TULP4: variants seen among roughly 807,000 people sequenced by gnomAD.
TULP4 encodes the protein TUB like protein 4.
A neutral mutation model predicts 129.0 loss-of-function variants in TULP4; 16 were observed. The ratio of observed to expected loss-of-function variants is 0.12; its 90% CI spans 0.08 to 0.19. The LOEUF (loss-of-function observed/expected upper bound fraction) is 0.19, where lower values mean the gene tolerates loss of function less well. Ranked by LOEUF, TULP4 falls within the 10% of genes least tolerant of loss-of-function variation. The pLI is 1.00. For missense variants in TULP4, 1,842 were observed against 2,059.1 expected, an observed-to-expected ratio of 0.89 and a Z score of 2.04; for synonymous variants, 998 against 854.0, an observed-to-expected ratio of 1.17 and a Z score of -2.94.
At chr6:158,317,735 T>G (rs949958050) in intron 1 of TULP4, among the ~76,000 whole-genome samples, 11 of 152,356 alleles carry the variant, frequency 7.2e-5, no homozygotes, top group Middle Eastern at 6.8e-3. Flanking sequence ...ATCACCACAC[T>G]GTCTTCCACA....
At chr6:158,329,222 T>A (rs1779819734) in intron 1 of TULP4, among the ~76,000 whole-genome samples, 1 of 152,172 alleles carries the variant, frequency 6.6e-6, no homozygotes, top group Non-Finnish European at 1.5e-5. Context: ...CATGTGTTGT[T>A]TTTTCCACTT....
At chr6:158,296,985 G>C (rs1779046901) in intron 1 of TULP4, among the ~76,000 whole-genome samples, 2 of 152,204 alleles carry the variant, frequency 1.3e-5, no homozygotes, top group South Asian at 4.1e-4. Flanking sequence ...CAGAAAACAG[G>C]GTTCGAGAGC....
At chr6:158,244,456 A>G (rs1265674586) in intron 1 of TULP4, among the ~76,000 whole-genome samples, 1 of 152,142 alleles carries the variant, frequency 6.6e-6, no homozygotes, top group Non-Finnish European at 1.5e-5. Context: ...CCAATGTGAT[A>G]GTATTTGGAA....
In TULP4 at chr6:158,372,222, A is replaced by C. The variant is rs1373109042; in HGVS notation, c.253-40843A>C. Among the ~76,000 whole-genome samples, 3 of 150,658 alleles carry C rather than the reference A, an allele frequency of 2.0e-5. 1 individual carries two copies. Among genetic ancestry groups the C allele is most frequent in the Non-Finnish European group, 4.4e-5 (3 of 67,798 alleles). ...GGGTGACTTCAAAAAAAACAAAAAC[A>C]GTAGGAATTCAACAATAGCAAAACA... On this transcript the variant is annotated intron_variant, in intron 1 of 13. Transcript: ENST00000367097.
At chr6:158,497,964 G>T (rs1780368049) in intron 11 of TULP4, among the ~76,000 whole-genome samples, 1 of 152,182 alleles carries the variant, frequency 6.6e-6, no homozygotes, top group Admixed American at 6.5e-5. Flanking sequence ...TAACTACTGT[G>T]AAACTTAAAT....
chr6:158,237,579 C>T (rs1777738619), intron 1 of TULP4: 7 of 1,533,162 alleles, frequency 4.6e-6, no homozygotes, highest in Non-Finnish European at 6.3e-6. Context: ...TCTTTTTACC[C>T]TTCTTTCTTC....
At chr6:158,368,257 T>C (rs1310941150) in intron 1 of TULP4, among the ~76,000 whole-genome samples, 4 of 152,166 alleles carry the variant, frequency 2.6e-5, no homozygotes, top group African/African-American at 7.2e-5. Flanking sequence ...TTATCATTAA[T>C]GGTAAAATGA....
chr6:158,365,610 G>A (rs1780922075), intron 1 of TULP4, among the ~76,000 whole-genome samples: 1 of 151,264 alleles, frequency 6.6e-6, no homozygotes, highest in African/African-American at 2.4e-5. Context: ...CTGAGTAGCT[G>A]GGACTACAGG....
intron 3 of TULP4, among the ~76,000 whole-genome samples, chr6:158,441,570 C>G (rs996076676): frequency 6.6e-6 from 1 of 152,116 alleles, no homozygotes; most frequent in Non-Finnish European, 1.5e-5. Context: ...GCTCTACAGC[C>G]CCTGACCTTG....
chr6:158,416,966 T>A (rs1046667475), intron 2 of TULP4, among the ~76,000 whole-genome samples: 5 of 152,088 alleles, frequency 3.3e-5, no homozygotes, highest in African/African-American at 1.2e-4. Flanking sequence ...AGCCTAGGAG[T>A]AGTAGGCTGT....
intron 1 of TULP4, among the ~76,000 whole-genome samples, chr6:158,303,481 A>G (rs1779162989): frequency 6.6e-6 from 1 of 152,190 alleles, no homozygotes; most frequent in South Asian, 2.1e-4. Context: ...AAAAAGCGTA[A>G]CTACTAATAA....
chr6:158,388,332 T>TTTTC (rs1777501632), intron 1 of TULP4, among the ~76,000 whole-genome samples: 7 of 131,542 alleles, frequency 5.3e-5, no homozygotes, highest in South Asian at 2.6e-4. Context: ...CTTTTTTTTT[T>TTTTC]TTTTTTTTTT....
At chr6:158,286,612 C>G (rs1240383550) in intron 1 of TULP4, among the ~76,000 whole-genome samples, 1 of 152,184 alleles carries the variant, frequency 6.6e-6, no homozygotes, top group African/African-American at 2.4e-5. Flanking sequence ...GATGATATCA[C>G]TTAAACACTG....
At chr6:158,277,532 G>A (rs1024656126), upstream of TULP4, among the ~76,000 whole-genome samples, 3 of 152,284 alleles carry the variant, frequency 2.0e-5, no homozygotes, top group Admixed American at 2.0e-4. Flanking sequence ...GGGTTAATTG[G>A]GGAGATTTAT....
chr6:158,430,132 A>C lies in TULP4; in HGVS notation c.543+235A>C, dbSNP rs569474201. Among the ~76,000 whole-genome samples, 30 of 152,346 alleles carry C rather than the reference A, an allele frequency of 2.0e-4. 1 individual carries two copies. In the South Asian group the frequency reaches 6.0e-3, roughly 31 times the overall value. On this transcript the variant is annotated intron_variant, in intron 3 of 13. Transcript: ENST00000367097. ...TAAGTTAACATTTTAATTATATAAA[A>C]TGTTCATACAATTTTATTAATAAAA...
chr6:158,252,040 G>C (rs534121325), intron 1 of TULP4, among the ~76,000 whole-genome samples: 2 of 152,344 alleles, frequency 1.3e-5, no homozygotes, highest in Non-Finnish European at 1.5e-5. Context: ...TGTAGTTGAA[G>C]GAGATTCTGA....
At chr6:158,353,835 A>G (rs1438449264) in intron 1 of TULP4, among the ~76,000 whole-genome samples, 1 of 152,270 alleles carries the variant, frequency 6.6e-6, no homozygotes, top group African/African-American at 2.4e-5. Flanking sequence ...CTCTAACAAT[A>G]AAAATATTTT....
intron 1 of TULP4, chr6:158,238,112 C>T: frequency 1.4e-6 from 1 of 733,260 alleles, no homozygotes; most frequent in East Asian, 2.6e-5. Flanking sequence ...ATGCAGACAC[C>T]ATGCCTGGTT....
chr6:158,497,343 A>G (rs948807244), intron 11 of TULP4, among the ~76,000 whole-genome samples: 2 of 152,236 alleles, frequency 1.3e-5, no homozygotes, highest in Non-Finnish European at 2.9e-5. Context: ...TTAAAAAGTG[A>G]GTGCTGTTCC....
Sources: gnomAD v4.1 joint callset for allele counts (sites outside exome capture counted in the v4.1 genomes callset) on GRCh38, gnomAD v4.1.1 for gene constraint, MANE v1.5 for transcripts, NCBI Gene and HGNC (gene_info 2026-07-23, HGNC 2026-07-21) for gene names.